BPTF: variants seen among roughly 807,000 people sequenced by gnomAD.
The protein encoded by BPTF is nucleosome-remodeling factor subunit BPTF.
Under a neutral mutation model 292.5 loss-of-function variants are expected in BPTF, and 18 were observed. The ratio of observed to expected loss-of-function variants is 0.06; its 90% CI spans 0.04 to 0.09. BPTF has a LOEUF of 0.09. Among genes scored for constraint, BPTF ranks in the 10% least tolerant of loss-of-function variants. The pLI, the probability that BPTF is intolerant of heterozygous loss-of-function variation, is 1.00. For missense variants in BPTF, 2,726 were observed against 3,498.7 expected, an observed-to-expected ratio of 0.78 and a Z score of 5.57; for synonymous variants, 1,225 against 1,251.9, an observed-to-expected ratio of 0.98 and a Z score of 0.45.
chr17:67,945,919 T>C lies in BPTF; in HGVS notation c.7211T>C (p.Leu2404Pro), dbSNP rs782574787. The change falls in exon 21 of 28, where the codon CTT (leucine) becomes CCT (proline). Residue 2404 changes from leucine to proline, a missense_variant. This residue lies in a region of BPTF where 570 missense variants were observed against 633.5 expected (regional missense o/e 0.90). Coordinates refer to ENST00000306378, the MANE Select transcript of BPTF (RefSeq NM_182641.4). Reference sequence around the variant, plus strand: ...CAGGTACAGTCTTCAACTCAAACTCTTTCATCAGGACAAACTTTAAATCAA... The same window carrying C: ...CAGGTACAGTCTTCAACTCAAACTCCTTCATCAGGACAAACTTTAAATCAA... ...QPQVQSSTQT[L>P]SSGQTLNQVT... The C allele has an allele frequency of 1.4e-5, 23 of 1,614,168 alleles. 1 individual carries two copies. Among genetic ancestry groups the C allele is most frequent in the Non-Finnish European group, 1.9e-5 (23 of 1,180,024 alleles).
At position 67,944,296 on chromosome 17, in the gene BPTF, A is replaced by C. The variant is rs2065627411; in HGVS notation, c.6624A>C (p.Arg2208=). ...QAAMPNGTVQ[R]FLFTPLATTA... is the part of the protein sequence containing the mutation. ...CAATGCCAAATGGTACTGTTCAGCG[A>C]TTCCTCTTTACCCCATTGGCAACAA... is the stretch of plus-strand genomic sequence containing the variant. Residue 2208 remains arginine, a synonymous_variant, in exon 20 of 28, where the codon CGA becomes CGC. Transcript: ENST00000306378. 6.2e-7 allele frequency: 1 copy of C among 1,614,038 alleles called. No homozygotes were observed. The highest frequency in any genetic ancestry group is 1.3e-5 in the African/African-American group (1 of 74,934).
intron 14 of BPTF, among the ~76,000 whole-genome samples, chr17:67,923,402 C>G (rs769329330): frequency 1.4e-5 from 2 of 147,918 alleles, no homozygotes; most frequent in Non-Finnish European, 3.0e-5. Flanking sequence ...AAAGTCCTAG[C>G]TTGACTTTAC....
intron 5 of BPTF, chr17:67,893,120 A>T (rs1162059568): frequency 2.1e-6 from 1 of 480,562 alleles, no homozygotes; most frequent in Non-Finnish European, 3.7e-6. Flanking sequence ...AAAGCAGTGA[A>T]TAATAGTATC....
Position 67,975,614 on chromosome 17 carries a change from T to C in BPTF, c.8540-158T>C, listed in dbSNP as rs1239695324. 5.4e-6 allele frequency: 3 copies of C among 559,788 alleles called. No individual in the cohort carries two copies. In the East Asian group the frequency reaches 9.4e-5, roughly 18 times the overall value. 34.7% of individuals were successfully genotyped at this position (559,788 alleles called of 1,614,324 possible). A position where few individuals can be genotyped will look rare whatever the true frequency, so the allele number is the denominator to read the frequency against. ...AGAAACAAAATTGGAAAAGTACTCTTTTGTTCTTTATGAATTGCAAAATAA... is the reference window on the plus strand; with the variant it reads ...AGAAACAAAATTGGAAAAGTACTCTCTTGTTCTTTATGAATTGCAAAATAA... On this transcript the variant is annotated intron_variant, in intron 26 of 27. Coordinates refer to ENST00000306378, the MANE Select transcript of BPTF (RefSeq NM_182641.4).
chr17:67,852,902 G>A (rs772401732), intron 1 of BPTF, among the ~76,000 whole-genome samples: 12 of 152,198 alleles, frequency 7.9e-5, no homozygotes, highest in Non-Finnish European at 1.5e-4. Context: ...TTGGCAGGCC[G>A]AGGTGGGTGG....
At chr17:67,952,760 C>G (rs1160216992) in intron 23 of BPTF, among the ~76,000 whole-genome samples, 1 of 152,160 alleles carries the variant, frequency 6.6e-6, no homozygotes, top group Non-Finnish European at 1.5e-5. Flanking sequence ...GATCTGTGGG[C>G]TTGGCAAATC....
chr17:67,854,086 C>T lies in BPTF; in HGVS notation c.760C>T (p.Arg254Trp), dbSNP rs776031487. The change falls in exon 2 of 28, where the codon CGG becomes TGG. Residue 254 changes from arginine to tryptophan, a missense_variant. Physicochemically the swap from Arg to Trp is moderately radical, Grantham distance 101. Coordinates refer to ENST00000306378, the MANE Select transcript of BPTF (RefSeq NM_182641.4). This position sits in a 1 kb window ranked among gnomAD's most constrained non-coding sequence, Gnocchi z 5.6. ...MNVIAIYEVL[R>W]NFGTVLRLSP... ...TGTCATTGCCATTTACGAGGTACTGCGGAACTTTGGCACTGTTTTGAGATT... is the reference window on the plus strand; with the variant it reads ...TGTCATTGCCATTTACGAGGTACTGTGGAACTTTGGCACTGTTTTGAGATT... 1.2e-5 allele frequency: 20 copies of T among 1,614,046 alleles called. No homozygotes were observed. The highest frequency in any genetic ancestry group is 1.6e-4 in the Middle Eastern group (1 of 6,084).
intron 21 of BPTF, 89 bp downstream of exon 21, chr17:67,946,414 T>C: frequency 2.0e-6 from 3 of 1,507,912 alleles, no homozygotes; most frequent in Non-Finnish European, 2.7e-6. Context: ...TTAGGTTTCC[T>C]AAATGAGACA....
intron 9 of BPTF, among the ~76,000 whole-genome samples, chr17:67,906,866 T>A (rs997332360): frequency 1.7e-4 from 26 of 152,162 alleles, no homozygotes; most frequent in Admixed American, 9.2e-4. Context: ...CCTTGGGATA[T>A]TTAGGTTCAA....
chr17:67,832,622 T>C (rs1426696130), intron 1 of BPTF, among the ~76,000 whole-genome samples: 1 of 151,840 alleles, frequency 6.6e-6, no homozygotes, highest in East Asian at 1.9e-4. Context: ...TTTTTTAGTA[T>C]ATTGACAGAG....
chr17:67,981,289 A>C (rs1240066007), intron 27 of BPTF: 1 of 189,602 alleles, frequency 5.3e-6, no homozygotes, highest in Non-Finnish European at 1.1e-5. Context: ...CCAGTTATTG[A>C]AAATTGATTT....
At chr17:67,839,915 G>A (rs1048566799) in intron 1 of BPTF, among the ~76,000 whole-genome samples, 12 of 151,922 alleles carry the variant, frequency 7.9e-5, no homozygotes, top group Non-Finnish European at 1.3e-4. Context: ...GAAGAGTTCC[G>A]GTTGCCCTGT....
intron 2 of BPTF, among the ~76,000 whole-genome samples, chr17:67,858,306 T>G (rs1377184591): frequency 2.0e-5 from 3 of 152,268 alleles, no homozygotes. Context: ...GGTCATGGTA[T>G]TCATTGTGCC....
chr17:67,887,016 T>C (rs2060797433), intron 4 of BPTF, among the ~76,000 whole-genome samples: 1 of 152,202 alleles, frequency 6.6e-6, no homozygotes, highest in Non-Finnish European at 1.5e-5. Flanking sequence ...GTGGACTTGC[T>C]GGTCAAATGG....
chr17:67,888,436 A>G (rs1306934668), intron 4 of BPTF, among the ~76,000 whole-genome samples: 1 of 151,964 alleles, frequency 6.6e-6, no homozygotes. Flanking sequence ...AAAATACAAA[A>G]AATACTAGCC....
At chr17:67,958,602 G>T (rs897320668) in intron 23 of BPTF, among the ~76,000 whole-genome samples, 1 of 152,064 alleles carries the variant, frequency 6.6e-6, no homozygotes, top group Non-Finnish European at 1.5e-5. Context: ...GGTGGTGGGT[G>T]CCTGTAATCC....
chr17:67,956,702 G>C lies in BPTF; in HGVS notation c.7927-2839G>C, dbSNP rs1346727880. On this transcript the variant is annotated intron_variant, in intron 23 of 27. Coordinates refer to ENST00000306378, the MANE Select transcript of BPTF (RefSeq NM_182641.4). The stretch of plus-strand genomic sequence containing the variant: ...AAAACGGTCAGGCACAGTGGCTTAC[G>C]CCTGTAATCACAGCACTTTGGGAGG... 5 of 148,206 alleles carry C rather than the reference G, an allele frequency of 3.4e-5. No homozygotes were observed. In the Admixed American group the frequency reaches 3.4e-4, roughly 10 times the overall value. The allele number at this position is 148,206 out of a possible 1,614,324, so 9.2% of individuals were successfully genotyped here.
intron 15 of BPTF, among the ~76,000 whole-genome samples, 181 bp from the exon 16 acceptor site, chr17:67,928,174 G>A (rs536390853): frequency 1.4e-4 from 21 of 152,200 alleles, no homozygotes; most frequent in African/African-American, 2.9e-4. Flanking sequence ...GTGAGCCACC[G>A]CAGCCAGCCA....
intron 2 of BPTF, among the ~76,000 whole-genome samples, chr17:67,858,781 T>C (rs1468588922): frequency 1.3e-5 from 2 of 152,172 alleles, no homozygotes; most frequent in Non-Finnish European, 2.9e-5. Context: ...ATGCTCCAAT[T>C]CTCCCATTCC....
Sources: gnomAD v4.1 joint callset for allele counts (sites outside exome capture counted in the v4.1 genomes callset) on GRCh38, gnomAD v4.1.1 for gene constraint, gnomAD v4.1.1 regional missense constraint, Gnocchi (gnomAD v3.1) non-coding constraint, MANE v1.5 for transcripts, NCBI Gene and HGNC (gene_info 2026-07-23, HGNC 2026-07-21) for gene names.